The following UTRN variants were observed in gnomAD, a reference collection of about 807,000 sequenced individuals.
UTRN encodes the protein dystrophin-related protein 1.
UTRN carries 283 observed loss-of-function variants against 463.9 expected under a neutral mutation model. The observed-to-expected ratio is 0.61, with a 90% CI of 0.55 to 0.67. The LOEUF is 0.67. Ranked by LOEUF, UTRN falls within the 30% of genes least tolerant of loss-of-function variation. The pLI is 0.00. For synonymous variants in UTRN, 1,442 were observed against 1,431.5 expected (o/e 1.01, Z -0.17); for missense variants, 3,922 against 4,084.3 (o/e 0.96, Z 1.08).
intron 2 of UTRN, among the ~76,000 whole-genome samples, chr6:144,352,175 T>C (rs756250460): frequency 2.0e-5 from 3 of 152,152 alleles, no homozygotes; most frequent in East Asian, 1.9e-4. Flanking sequence ...AACCCACCCA[T>C]GCAATCTAGC....
At chr6:144,288,904 C>T (rs899001186) in intron 1 of UTRN, among the ~76,000 whole-genome samples, 1 of 152,140 alleles carries the variant, frequency 6.6e-6, no homozygotes, top group African/African-American at 2.4e-5. Context: ...GCTGGGATTA[C>T]AGGTGTTTGC....
chr6:144,463,013 G>A, intron 23 of UTRN, 147 bp downstream of exon 23: 1 of 780,766 alleles, frequency 1.3e-6, no homozygotes, highest in South Asian at 1.9e-5. Context: ...TATCAAAGAT[G>A]TACTTTTAAT....
chr6:144,292,567 C>T (rs1804339433), intron 2 of UTRN, among the ~76,000 whole-genome samples: 1 of 152,166 alleles, frequency 6.6e-6, no homozygotes, highest in South Asian at 2.1e-4. Flanking sequence ...AACGCAGATG[C>T]ATTGGCTCCA....
chr6:144,760,451 T>C (rs1562873656), intron 58 of UTRN, among the ~76,000 whole-genome samples: 1 of 152,212 alleles, frequency 6.6e-6, no homozygotes, highest in Non-Finnish European at 1.5e-5. Flanking sequence ...GTTAAATGTC[T>C]TTTAAGTCTT....
At chr6:144,573,471 A>G (rs1224594550) in intron 50 of UTRN, among the ~76,000 whole-genome samples, 2 of 152,090 alleles carry the variant, frequency 1.3e-5, no homozygotes, top group African/African-American at 4.8e-5. Flanking sequence ...AGGCGGGCCG[A>G]TCACCTGAGG....
chr6:144,420,087 C>G (rs1223394674), intron 3 of UTRN, among the ~76,000 whole-genome samples: 3 of 152,038 alleles, frequency 2.0e-5, no homozygotes, highest in South Asian at 4.2e-4. Flanking sequence ...CTTCCCCCTC[C>G]TCCATTTCAA....
chr6:144,394,593 T>C (rs1782229396), intron 2 of UTRN, among the ~76,000 whole-genome samples: 1 of 152,200 alleles, frequency 6.6e-6, no homozygotes, highest in Non-Finnish European at 1.5e-5. Flanking sequence ...CCCGGTGTCA[T>C]GATCTTAGAA....
chr6:144,679,104 T>C (rs540231404), intron 52 of UTRN, among the ~76,000 whole-genome samples: 1 of 152,224 alleles, frequency 6.6e-6, no homozygotes, highest in South Asian at 2.1e-4. Context: ...TTATGCCTCA[T>C]TCAAGATGTA....
intron 9 of UTRN, among the ~76,000 whole-genome samples, chr6:144,430,956 G>T (rs1279714530): frequency 6.6e-6 from 1 of 152,100 alleles, no homozygotes; most frequent in Admixed American, 6.5e-5. Flanking sequence ...GAAAAGAAAG[G>T]ATTGAGAAAT....
chr6:144,657,838 A>G (rs1345336447), intron 51 of UTRN, among the ~76,000 whole-genome samples: 1 of 152,204 alleles, frequency 6.6e-6, no homozygotes, highest in Non-Finnish European at 1.5e-5. Context: ...AAGTTTGCCC[A>G]GCTGAGAAAG....
At chr6:144,732,116 C>G (rs1788598870) in intron 54 of UTRN, among the ~76,000 whole-genome samples, 1 of 151,356 alleles carries the variant, frequency 6.6e-6, no homozygotes, top group African/African-American at 2.4e-5. Context: ...CCTGCCTCAG[C>G]CTCCCAAAGT....
At chr6:144,478,659 G>A (rs891929598) in intron 25 of UTRN, among the ~76,000 whole-genome samples, 5 of 152,186 alleles carry the variant, frequency 3.3e-5, no homozygotes, top group African/African-American at 1.2e-4. Context: ...TAACTTCTGT[G>A]AGAACCATCC....
chr6:144,793,735 T>A (rs1203821484), intron 62 of UTRN, 99 bp from the exon 63 acceptor site: 20 of 1,442,578 alleles, frequency 1.4e-5, no homozygotes, highest in Non-Finnish European at 1.9e-5. Flanking sequence ...TTCTGAAATT[T>A]TTTTAATCTG....
intron 51 of UTRN, among the ~76,000 whole-genome samples, chr6:144,613,010 A>G (rs753693490): frequency 2.0e-5 from 3 of 152,134 alleles, no homozygotes; most frequent in Non-Finnish European, 4.4e-5. Flanking sequence ...CCATAATGGT[A>G]TACTATTCAT....
chr6:144,820,921 C>T lies in UTRN; in HGVS notation c.9397C>T (p.Leu3133Phe). 6.2e-7 allele frequency: 1 copy of T among 1,613,864 alleles called. No individual in the cohort carries two copies. The highest frequency in any genetic ancestry group is 8.5e-7 in the Non-Finnish European group (1 of 1,179,852). Reference protein sequence around the residue: ...GEDVRDFTKVLKNKFRSKKYF... With the variant: ...GEDVRDFTKVFKNKFRSKKYF... The stretch of plus-strand genomic sequence containing the variant: ...AGATGTACGAGACTTCACAAAGGTA[C>T]TTAAGAACAAGTTCAGGTCGAAGAA... The change falls in exon 66 of 75, where the codon CTT (leucine) becomes TTT (phenylalanine). Residue 3133 changes from leucine to phenylalanine, a missense_variant. This residue lies in a region of UTRN where 1,309 missense variants were observed against 1,452.6 expected (regional missense o/e 0.90). Transcript: ENST00000367545.
chr6:144,303,225 CAGTT>C (rs1181074577), intron 2 of UTRN, among the ~76,000 whole-genome samples: 1 of 152,144 alleles, frequency 6.6e-6, no homozygotes, highest in East Asian at 1.9e-4. Context: ...AAGTGGTTAG[CAGTT>C]AGTAACAGGG....
chr6:144,479,069 G>A (rs748722204), intron 25 of UTRN, among the ~76,000 whole-genome samples: 18 of 150,008 alleles, frequency 1.2e-4, no homozygotes, highest in Non-Finnish European at 2.4e-4. Context: ...TTAATGGGAA[G>A]TGCAGTTAAA....
intron 3 of UTRN, among the ~76,000 whole-genome samples, chr6:144,409,986 C>G (rs768617526): frequency 6.6e-6 from 1 of 152,174 alleles, no homozygotes; most frequent in Non-Finnish European, 1.5e-5. Context: ...GAACACTTGT[C>G]TCTGTGAGAG....
rs1405836314 is a variant in UTRN, at chr6:144,532,435, G to T, written c.6058-650G>T. On this transcript the variant is annotated intron_variant, in intron 42 of 74. Transcript: ENST00000367545. ...CTTCTTCATATGGCGGCAGGAGAGA[G>T]AAGTGCTGAGCAAAGTGGGGGAAAA... 2.0e-5 allele frequency among the ~76,000 whole-genome samples: 3 copies of T among 152,194 alleles called. No homozygotes were observed. In the East Asian group the frequency reaches 5.8e-4, roughly 29 times the overall value.
Sources: gnomAD v4.1 joint callset for allele counts (sites outside exome capture counted in the v4.1 genomes callset) on GRCh38, gnomAD v4.1.1 for gene constraint, gnomAD v4.1.1 regional missense constraint, MANE v1.5 for transcripts, NCBI Gene and HGNC (gene_info 2026-07-23, HGNC 2026-07-21) for gene names.